Variants in LARGE1 observed in about 807,000 individuals in gnomAD.
LARGE1 encodes LARGE xylosyl- and glucuronyltransferase 1, also known as xylosyl- and glucuronyltransferase LARGE1.
Under a neutral mutation model 87.6 loss-of-function variants are expected in LARGE1, and 43 were observed. The observed-to-expected ratio is 0.49, with a 90% CI of 0.38 to 0.63. LARGE1 has a LOEUF of 0.63. Among genes scored for constraint, LARGE1 ranks in the 30% least tolerant of loss-of-function variants. LARGE1 has a pLI of 0.00. For missense variants in LARGE1, 802 were observed against 1,000.2 expected, an observed-to-expected ratio of 0.80 and a Z score of 2.67; for synonymous variants, 434 against 394.6, an observed-to-expected ratio of 1.10 and a Z score of -1.18.
chr22:33,478,869 C>T (rs2069189849), intron 6 of LARGE1, among the ~76,000 whole-genome samples: 1 of 152,172 alleles, frequency 6.6e-6, no homozygotes, highest in South Asian at 2.1e-4. Flanking sequence ...ACTATCTTCT[C>T]CAGTGGACAG....
At chr22:33,155,004 T>G in the LARGE1 span, among the ~76,000 whole-genome samples, 1 of 152,196 alleles carries the variant, frequency 6.6e-6, no homozygotes, top group Non-Finnish European at 1.5e-5. Flanking sequence ...ATGTGAGATG[T>G]GCCTTTCACC....
intron 6 of LARGE1, among the ~76,000 whole-genome samples, chr22:33,442,529 T>A (rs1424810759): frequency 6.6e-6 from 1 of 152,100 alleles, no homozygotes; most frequent in East Asian, 1.9e-4. Flanking sequence ...CTACCAGGCA[T>A]GCTGTGGGAA....
the LARGE1 span, among the ~76,000 whole-genome samples, chr22:33,115,633 T>C: frequency 6.6e-5 from 10 of 151,732 alleles, no homozygotes; most frequent in East Asian, 1.9e-3. Flanking sequence ...CTGGCCAACA[T>C]GGTGAAACCT....
In LARGE1 at chr22:33,860,332, C is replaced by A. The variant is rs1291646577; in HGVS notation, c.-83+59663G>T. On this transcript the variant is annotated intron_variant, in intron 1 of 14. Coordinates refer to ENST00000397394, the MANE Select transcript of LARGE1 (RefSeq NM_133642.5). ...TAAATCGAGAAGCTGATACTTAACC[C>A]CAGGGCTTGAAATAAGACTTAAATA... 3.3e-5 allele frequency among the ~76,000 whole-genome samples: 5 copies of A among 152,078 alleles called. No individual in the cohort carries two copies. The East Asian group carries it at 9.6e-4, about 29-fold the overall frequency.
chr22:33,495,550 C>A (rs1293154314), intron 6 of LARGE1, among the ~76,000 whole-genome samples: 1 of 152,016 alleles, frequency 6.6e-6, no homozygotes, highest in Non-Finnish European at 1.5e-5. Context: ...GAAATCCTGT[C>A]TCTACTAAAA....
intron 1 of LARGE1, among the ~76,000 whole-genome samples, chr22:33,896,919 G>A (rs1019777971): frequency 7.2e-5 from 11 of 152,184 alleles, no homozygotes; most frequent in African/African-American, 2.7e-4. Flanking sequence ...CCGCCGACCA[G>A]ACCTGATGGT....
intron 6 of LARGE1, among the ~76,000 whole-genome samples, chr22:33,484,392 C>T (rs2069474322): frequency 6.6e-6 from 1 of 152,186 alleles, no homozygotes; most frequent in South Asian, 2.1e-4. Flanking sequence ...ATAAATCTTA[C>T]TGTGAATCAT....
At chr22:33,159,925 C>T (rs896531321), downstream of LARGE1, among the ~76,000 whole-genome samples, 1 of 68,328 alleles carries the variant, frequency 1.5e-5, no homozygotes, top group African/African-American at 5.4e-5. Context: ...GGATCTGAAA[C>T]TATTAGTGGT....
At chr22:33,784,015 C>A (rs2085518197) in intron 1 of LARGE1, among the ~76,000 whole-genome samples, 1 of 152,036 alleles carries the variant, frequency 6.6e-6, no homozygotes, top group South Asian at 2.1e-4. Flanking sequence ...TCTTTTTCCC[C>A]TTTTAGTGCA....
chr22:33,394,682 T>C (rs2065659644), intron 7 of LARGE1, among the ~76,000 whole-genome samples: 1 of 151,384 alleles, frequency 6.6e-6, no homozygotes, highest in Non-Finnish European at 1.5e-5. Context: ...CCATACCATG[T>C]GGTCTCAACC....
intron 11 of LARGE1, among the ~76,000 whole-genome samples, chr22:33,267,483 C>CAA: frequency 6.6e-6 from 1 of 151,574 alleles, no homozygotes; most frequent in South Asian, 2.1e-4. Context: ...TCAAATAACT[C>CAA]AGAGTTAATG....
rs2084378544 is a variant in LARGE1, at chr22:33,752,999, A to G, written c.106+8372T>C. Among the ~76,000 whole-genome samples the G allele has an allele frequency of 1.3e-5, 2 of 152,172 alleles. 1 individual carries two copies. Among genetic ancestry groups the G allele is most frequent in the South Asian group, 4.1e-4 (2 of 4,824 alleles). ...TACTTTGGGAGGCCAAGGCGGGTGG[A>G]TCACGAGGTCAGGAGATTGAGACCA... is the stretch of plus-strand genomic sequence containing the variant. On this transcript the variant is annotated intron_variant, in intron 2 of 14. Transcript: ENST00000397394.
chr22:33,504,794 C>T (rs148493376), intron 6 of LARGE1, among the ~76,000 whole-genome samples: 142 of 152,204 alleles, frequency 9.3e-4, no homozygotes, highest in African/African-American at 3.4e-3. Flanking sequence ...ATAAGATACT[C>T]ACATTTAAAA....
intron 6 of LARGE1, among the ~76,000 whole-genome samples, chr22:33,535,954 C>T (rs1050406593): frequency 1.3e-5 from 2 of 152,112 alleles, no homozygotes; most frequent in African/African-American, 4.8e-5. Context: ...CTTTGAGAGA[C>T]CATGGAAATG....
intron 2 of LARGE1, among the ~76,000 whole-genome samples, chr22:33,702,747 A>G (rs770135180): frequency 1.3e-5 from 2 of 152,210 alleles, no homozygotes; most frequent in South Asian, 4.1e-4. Context: ...CCTGTCCCCA[A>G]GGACTACAGA....
At position 33,571,000 on chromosome 22, in the gene LARGE1, C is replaced by T. The variant is rs538623478; in HGVS notation, c.616-5981G>A. Among the ~76,000 whole-genome samples, 7 of 152,238 alleles carry T rather than the reference C, an allele frequency of 4.6e-5. 1 individual carries two copies. The South Asian group carries it at 1.5e-3, about 32-fold the overall frequency. The stretch of plus-strand genomic sequence containing the variant: ...GTCAACACCTGGCAGAGTAATATCC[C>T]ACCATGTTGTTCATCACTATCAACA... On this transcript the variant is annotated intron_variant, in intron 5 of 14. Coordinates refer to ENST00000397394, the MANE Select transcript of LARGE1 (RefSeq NM_133642.5).
At chr22:33,612,496 T>C (rs2079463454) in intron 4 of LARGE1, among the ~76,000 whole-genome samples, 1 of 152,206 alleles carries the variant, frequency 6.6e-6, no homozygotes, top group African/African-American at 2.4e-5. Flanking sequence ...ATTCTGGATA[T>C]GTGGGTTGCC....
intron 6 of LARGE1, among the ~76,000 whole-genome samples, chr22:33,502,111 C>T (rs2070469150): frequency 6.6e-6 from 1 of 151,776 alleles, no homozygotes; most frequent in Non-Finnish European, 1.5e-5. Context: ...CAGGAGAATC[C>T]CTTGAACCCA....
intron 7 of LARGE1, among the ~76,000 whole-genome samples, chr22:33,389,457 G>A (rs2065438641): frequency 6.6e-6 from 1 of 152,228 alleles, no homozygotes. Context: ...TGTCACCCAT[G>A]TGTGACACAG....
Sources: gnomAD v4.1 joint callset for allele counts (sites outside exome capture counted in the v4.1 genomes callset) on GRCh38, gnomAD v4.1.1 for gene constraint, MANE v1.5 for transcripts, NCBI Gene and HGNC (gene_info 2026-07-23, HGNC 2026-07-21) for gene names.